The following COL6A6 variants were observed in gnomAD, a reference collection of about 807,000 sequenced individuals.
The protein encoded by COL6A6 is collagen type VI alpha 6 chain, also known as collagen alpha-6(VI) chain.
Under a neutral mutation model 208.6 loss-of-function variants are expected in COL6A6, and 183 were observed. The ratio of observed to expected loss-of-function variants is 0.88; its 90% confidence interval spans 0.78 to 0.99. COL6A6 has a LOEUF of 0.99. Among genes scored for constraint, COL6A6 ranks in the 50% least tolerant of loss-of-function variants. COL6A6 has a pLI of 0.00. For missense variants in COL6A6, 2,816 were observed against 2,815.2 expected (o/e 1.00, Z -0.01); for synonymous variants, 973 against 1,011.8 (o/e 0.96, Z 0.73).
intron 1 of COL6A6, among the ~76,000 whole-genome samples, chr3:130,526,260 C>A (rs2061959932): frequency 6.6e-6 from 1 of 151,892 alleles, no homozygotes; most frequent in African/African-American, 2.4e-5. Flanking sequence ...GAATATGAGT[C>A]CCTCTTTGTG....
At chr3:130,584,624 TA>T (rs1380058298) in intron 10 of COL6A6, among the ~76,000 whole-genome samples, 2 of 152,072 alleles carry the variant, frequency 1.3e-5, no homozygotes, top group South Asian at 2.1e-4. Flanking sequence ...TAAATTAATT[TA>T]TTTTTTTGAG....
At chr3:130,613,566 T>C (rs1436759158) in intron 23 of COL6A6, among the ~76,000 whole-genome samples, 1 of 152,246 alleles carries the variant, frequency 6.6e-6, no homozygotes, top group African/African-American at 2.4e-5. Flanking sequence ...ATTGGTAGTT[T>C]GATGGAAATA....
At chr3:130,605,689 A>G (rs148964898) in intron 20 of COL6A6, among the ~76,000 whole-genome samples, 1 of 152,342 alleles carries the variant, frequency 6.6e-6, no homozygotes, top group East Asian at 1.9e-4. Flanking sequence ...TTTTATAACA[A>G]TAGTGTATTG....
At chr3:130,572,789 C>T (rs971597668) in intron 7 of COL6A6, among the ~76,000 whole-genome samples, 7 of 152,190 alleles carry the variant, frequency 4.6e-5, no homozygotes, top group Admixed American at 2.6e-4. Context: ...TTCTTCTTAT[C>T]ACTTCCTTGC....
In COL6A6 at chr3:130,565,488, T is replaced by A; in HGVS notation, c.1156T>A (p.Tyr386Asn). 4 of 1,613,998 alleles carry A rather than the reference T, an allele frequency of 2.5e-6. No individual in the cohort carries two copies. The highest frequency in any genetic ancestry group is 3.4e-6 in the Non-Finnish European group (4 of 1,179,878). The change falls in exon 4 of 37, where the codon TAT (tyrosine) becomes AAT (asparagine). Residue 386 changes from tyrosine to asparagine, a missense_variant. Tyr to Asn is a moderately radical substitution (Grantham distance 143). Transcript: ENST00000358511. ...GATAGCATCCCACCCTGCTGAGCAG[T>A]ATGTCTCCAAACTGAAGACCTTCGC... ...EKIASHPAEQYVSKLKTFADL... is the reference protein window; with the variant it reads ...EKIASHPAEQNVSKLKTFADL...
intron 24 of COL6A6, among the ~76,000 whole-genome samples, chr3:130,623,407 C>T (rs990813617): frequency 2.6e-5 from 4 of 151,962 alleles, no homozygotes; most frequent in African/African-American, 9.7e-5. Context: ...TGTAATGAGC[C>T]AAGATCCTGC....
chr3:130,533,722 T>C (rs375508148), intron 1 of COL6A6, among the ~76,000 whole-genome samples: 2 of 152,310 alleles, frequency 1.3e-5, no homozygotes, highest in South Asian at 4.1e-4. Context: ...AAACACTTGG[T>C]ATTTTGGTGT....
intron 36 of COL6A6, among the ~76,000 whole-genome samples, chr3:130,669,720 AAG>A (rs2066164155): frequency 6.6e-6 from 1 of 152,238 alleles, no homozygotes; most frequent in Non-Finnish European, 1.5e-5. Context: ...TTTAAAAATT[AAG>A]ATAGTATCAA....
In COL6A6 at chr3:130,653,147, A is replaced by G. The variant is rs141171337; in HGVS notation, c.5733+3585A>G. Among the ~76,000 whole-genome samples the G allele has an allele frequency of 6.1e-3, 931 of 152,270 alleles. 5 individuals are homozygous for G. The highest frequency in any genetic ancestry group is 0.021 in the African/African-American group (879 of 41,546). ...AATTTGCCTTTAGATTTGTTTAGCA[A>G]TTGCTTCTTCTGATAAAATTTGACG... On this transcript the variant is annotated intron_variant, in intron 33 of 36. Transcript: ENST00000358511.
intron 2 of COL6A6, 63 bp from the exon 3 acceptor site, chr3:130,563,005 C>T (rs1577709461): frequency 1.7e-6 from 2 of 1,189,532 alleles, no homozygotes; most frequent in Non-Finnish European, 2.4e-6. Flanking sequence ...ATAGAGTTGG[C>T]ATTAAATATG....
At chr3:130,530,714 T>C (rs781114252) in intron 1 of COL6A6, among the ~76,000 whole-genome samples, 5 of 152,168 alleles carry the variant, frequency 3.3e-5, no homozygotes, top group African/African-American at 4.8e-5. Flanking sequence ...CCAGTCTCCG[T>C]GTTGCTGTGA....
At chr3:130,658,629 T>C (rs1179223782) in intron 33 of COL6A6, 47 bp from the exon 34 acceptor site, 6 of 1,286,618 alleles carry the variant, frequency 4.7e-6, no homozygotes, top group Non-Finnish European at 6.7e-6. Context: ...AAGAGGTTCT[T>C]GCAGCCCTAC....
intron 1 of COL6A6, among the ~76,000 whole-genome samples, chr3:130,520,217 A>T (rs1364396501): frequency 6.6e-6 from 1 of 152,236 alleles, no homozygotes; most frequent in Non-Finnish European, 1.5e-5. Context: ...AATAATAAAA[A>T]TGTCTTTCTA....
rs2063096819 is a variant in COL6A6 at position 130,568,960 on chromosome 3, G to T, written c.2401+356G>T. On this transcript the variant is annotated intron_variant, in intron 6 of 36. Coordinates refer to ENST00000358511, the MANE Select transcript of COL6A6 (RefSeq NM_001102608.3). The stretch of plus-strand genomic sequence containing the variant: ...GAAGGGGTGTAGGAAACAGGTCAGG[G>T]CATGGGTAGGAACTGAACAAGGAAA... Among the ~76,000 whole-genome samples the T allele has an allele frequency of 2.0e-5, 3 of 152,224 alleles. No individual in the cohort carries two copies. The South Asian group carries it at 6.2e-4, about 31-fold the overall frequency.
At position 130,565,239 on chromosome 3, in the gene COL6A6, A is replaced by T; in HGVS notation, c.907A>T (p.Thr303Ser). 1 of 1,614,010 alleles carries T rather than the reference A, an allele frequency of 6.2e-7. No individual in the cohort carries two copies. The highest frequency in any genetic ancestry group is 8.5e-7 in the Non-Finnish European group (1 of 1,179,896). ...GCATATACAGAACCTTTCTCCCCGA[A>T]CTGGGAAGGCCTATACTGGAGCTGC... ...LQHIQNLSPRTGKAYTGAAIK... is the reference protein window; with the variant it reads ...LQHIQNLSPRSGKAYTGAAIK... Residue 303 changes from threonine (T) to serine (S), a missense_variant, in exon 4 of 37, where the codon ACT becomes TCT. Transcript: ENST00000358511.
intron 8 of COL6A6, among the ~76,000 whole-genome samples, chr3:130,576,300 C>T (rs2063294561): frequency 6.6e-6 from 1 of 152,062 alleles, no homozygotes; most frequent in Admixed American, 6.5e-5. Flanking sequence ...TGTGTGTGTG[C>T]CTGATGGGAG....
At chr3:130,617,937 G>A (rs140099327) in intron 23 of COL6A6, among the ~76,000 whole-genome samples, 202 of 152,224 alleles carry the variant, frequency 1.3e-3, no homozygotes, top group African/African-American at 4.8e-3. Flanking sequence ...TCAAATAATC[G>A]TTAACCTCTA....
rs1307148081 is a variant in COL6A6 at position 130,586,593 on chromosome 3, GA to G, written c.4059del (p.Phe1354LeufsTer11). 6 of 1,613,846 alleles carry G rather than the reference GA, an allele frequency of 3.7e-6. No homozygotes were observed. The highest frequency in any genetic ancestry group is 5.1e-6 in the Non-Finnish European group (6 of 1,179,884). On this transcript the variant is annotated frameshift_variant, in exon 11 of 37. Coordinates refer to ENST00000358511, the MANE Select transcript of COL6A6 (RefSeq NM_001102608.3). LOFTEE classifies it high-confidence loss of function. The stretch of plus-strand genomic sequence containing the variant: ...CTTCCCTATATTGAATTTGGGAAAG[GA>G]TTTGAGTACAGGACACAGCTCTCTA... ...ADLPYIEFGK[G>X]FEYRTQLSIG...
chr3:130,618,195 T>A (rs1403353739), intron 23 of COL6A6, among the ~76,000 whole-genome samples: 1 of 152,196 alleles, frequency 6.6e-6, no homozygotes, highest in Non-Finnish European at 1.5e-5. Flanking sequence ...GCAGCAGGCA[T>A]AGTGGCTGGG....
Sources: allele counts gnomAD v4.1 joint callset (sites outside exome capture counted in the v4.1 genomes callset), GRCh38; gene constraint gnomAD v4.1.1; transcripts MANE v1.5; gene names NCBI Gene and HGNC (gene_info 2026-07-23, HGNC 2026-07-21).